CD6: variants seen among roughly 807,000 people sequenced by gnomAD.
The protein encoded by CD6 is T-cell differentiation antigen CD6.
CD6 carries 53 observed loss-of-function variants against 75.3 expected under a neutral mutation model. The observed-to-expected ratio is 0.70, with a 90% CI of 0.56 to 0.88. CD6 has a LOEUF of 0.88. CD6 is among the 40% of genes least tolerant of loss of function. The probability of loss-of-function intolerance (pLI) is 0.00; values close to 1 mark genes in which losing one functional copy is unlikely to be tolerated. For synonymous variants in CD6, 359 were observed against 381.5 expected, an observed-to-expected ratio of 0.94 and a Z score of 0.69; for missense variants, 770 against 897.1, an observed-to-expected ratio of 0.86 and a Z score of 1.81.
At chr11:60,999,975 C>G (rs1438072418) in intron 1 of CD6, among the ~76,000 whole-genome samples, 1 of 152,062 alleles carries the variant, frequency 6.6e-6, no homozygotes, top group East Asian at 1.9e-4. Flanking sequence ...TCGCTTGAAT[C>G]AGGAGGGTGG....
At chr11:60,972,425 C>A (rs987249315) in intron 1 of CD6, among the ~76,000 whole-genome samples, 4 of 152,182 alleles carry the variant, frequency 2.6e-5, no homozygotes, top group Non-Finnish European at 5.9e-5. Flanking sequence ...GGCCTCAGCA[C>A]AACCAGCTGG....
rs893446159 is a variant in CD6, at chr11:61,018,359, C to G, written c.1908C>G (p.Pro636=). ...GGTACCAGAACTTCCAGCCACCACCCCAGCCCCCTTCGGAGGAGCAGTTTG... is the reference window on the plus strand; with the variant it reads ...GGTACCAGAACTTCCAGCCACCACCGCAGCCCCCTTCGGAGGAGCAGTTTG... ...GEWYQNFQPP[P]QPPSEEQFGC... The change falls in exon 12 of 13, where the codon CCC becomes CCG. Residue 636 remains proline, a synonymous_variant. Coordinates refer to ENST00000313421, the MANE Select transcript of CD6 (RefSeq NM_006725.5). The G allele has an allele frequency of 6.2e-7, 1 of 1,605,904 alleles. No individual in the cohort carries two copies. Among genetic ancestry groups the G allele is most frequent in the Non-Finnish European group, 8.5e-7 (1 of 1,176,234 alleles).
At chr11:61,001,595 C>T (rs1460779144) in intron 1 of CD6, among the ~76,000 whole-genome samples, 2 of 145,918 alleles carry the variant, frequency 1.4e-5, no homozygotes, top group African/African-American at 4.9e-5. Flanking sequence ...TATAAATCGT[C>T]CCTTTAGGTT....
intron 1 of CD6, among the ~76,000 whole-genome samples, chr11:60,986,365 C>T (rs1857816389): frequency 6.6e-6 from 1 of 152,168 alleles, no homozygotes; most frequent in African/African-American, 2.4e-5. Flanking sequence ...TTGATCCACA[C>T]TTGTCAGGTG....
chr11:61,013,166 A>AT, intron 6 of CD6, among the ~76,000 whole-genome samples: 1 of 152,376 alleles, frequency 6.6e-6, no homozygotes, highest in Non-Finnish European at 1.5e-5. Flanking sequence ...GCAGACAGAT[A>AT]GATCTCTGCA....
In CD6 at chr11:61,017,812, A is replaced by G; in HGVS notation, c.1636A>G (p.Ile546Val). Residue 546 changes from isoleucine to valine, a missense_variant, in exon 11 of 13, where the codon ATT becomes GTT. Coordinates refer to ENST00000313421, the MANE Select transcript of CD6 (RefSeq NM_006725.5). ...HIPTANPGHC[I>V]TDPPSLGPQY... ...CCCAACTGCCAACCCTGGACACTGC[A>G]TTACAGACCCGCCATCCCTGGGCCC... is the stretch of plus-strand genomic sequence containing the variant. 7.4e-6 allele frequency: 12 copies of G among 1,614,156 alleles called. No homozygotes were observed. Among genetic ancestry groups the G allele is most frequent in the Non-Finnish European group, 1.0e-5 (12 of 1,180,024 alleles).
intron 1 of CD6, among the ~76,000 whole-genome samples, 156 bp from the exon 2 acceptor site, chr11:61,006,418 G>C (rs1481887303): frequency 6.6e-6 from 1 of 152,134 alleles, no homozygotes; most frequent in Non-Finnish European, 1.5e-5. Context: ...TACCTTGAAG[G>C]GAGGCCAATG....
chr11:60,974,603 G>A (rs1017858349), intron 1 of CD6, among the ~76,000 whole-genome samples: 2 of 152,200 alleles, frequency 1.3e-5, no homozygotes, highest in African/African-American at 4.8e-5. Context: ...CTGCCCAGGT[G>A]GCCCGGGTGC....
intron 1 of CD6, among the ~76,000 whole-genome samples, chr11:60,978,548 C>G (rs943364297): frequency 6.6e-6 from 1 of 152,198 alleles, no homozygotes; most frequent in African/African-American, 2.4e-5. Flanking sequence ...CCCTAGTTTC[C>G]TTTCTGGAAA....
In CD6 at chr11:60,989,936, G is replaced by A. The variant is rs1312413596; in HGVS notation, c.50-16638G>A. ...TTACCCAGAGAAGGGCAGAAAAATC[G>A]TTGGCAGGGTGCATTGATATGACTC... On this transcript the variant is annotated intron_variant, in intron 1 of 12. Coordinates refer to ENST00000313421, the MANE Select transcript of CD6 (RefSeq NM_006725.5). Among the ~76,000 whole-genome samples the A allele has an allele frequency of 3.9e-5, 6 of 152,256 alleles. No homozygotes were observed. In the East Asian group the frequency reaches 9.6e-4, roughly 24 times the overall value.
In CD6 at chr11:61,009,723, G is replaced by C. The variant is rs368097295; in HGVS notation, c.933G>C (p.Ala311=). 163 of 1,613,960 alleles carry C rather than the reference G, an allele frequency of 1.0e-4. No homozygotes were observed. The highest frequency in any genetic ancestry group is 1.3e-4 in the Non-Finnish European group (157 of 1,180,026). ...VLCQSLGCGT[A]VERPKGLPHS... is the part of the protein sequence containing the mutation. ...GCCAGTCCTTGGGCTGTGGAACTGC[G>C]GTTGAGAGGCCCAAGGGGCTGCCCC... is the stretch of plus-strand genomic sequence containing the variant. The change falls in exon 5 of 13, where the codon GCG becomes GCC. Residue 311 remains alanine (A), a synonymous_variant. Transcript: ENST00000313421.
intron 1 of CD6, among the ~76,000 whole-genome samples, chr11:60,991,585 C>CATTG (rs1442472565): frequency 6.6e-6 from 1 of 152,040 alleles, no homozygotes; most frequent in Non-Finnish European, 1.5e-5. Context: ...CAGGTATAGT[C>CATTG]ATTGATTCCA....
rs139907587 is a variant in CD6, at chr11:61,018,817, C to T, written c.1942+424C>T. Reference sequence around the variant, plus strand: ...CCCTGCAGGGTCAGAGCAAGACCCTCTTTCTACAAGAAAACAAACACAAGC... The same window carrying T: ...CCCTGCAGGGTCAGAGCAAGACCCTTTTTCTACAAGAAAACAAACACAAGC... On this transcript the variant is annotated intron_variant, in intron 12 of 12. Coordinates refer to ENST00000313421, the MANE Select transcript of CD6 (RefSeq NM_006725.5). 8.6e-3 allele frequency: 2,077 copies of T among 242,220 alleles called. 28 individuals carry two copies. The highest frequency in any genetic ancestry group is 0.027 in the Admixed American group (545 of 19,988). The allele number at this position is 242,220 out of a possible 1,614,324, so 15.0% of individuals were successfully genotyped here.
chr11:60,991,145 C>CTTTTTTTTTTT (rs1319427330), intron 1 of CD6, among the ~76,000 whole-genome samples: 1 of 85,788 alleles, frequency 1.2e-5, no homozygotes, highest in Non-Finnish European at 2.1e-5. Context: ...TTTTCTTTTT[C>CTTTTTTTTTTT]TTTCTTTTTT....
Position 61,006,294 on chromosome 11 carries a change from TG to T in CD6, c.50-278del, listed in dbSNP as rs917092136. On this transcript the variant is annotated intron_variant, in intron 1 of 12. Transcript: ENST00000313421. ...TGGTCACGAAGCCACTTTGTGTGTC[TG>T]GCCCCAGTGCCCACTGCCTTTCCTC... Among the ~76,000 whole-genome samples, 14 of 152,350 alleles carry T rather than the reference TG, an allele frequency of 9.2e-5. No homozygotes were observed. In the East Asian group the frequency reaches 2.3e-3, roughly 25 times the overall value.
chr11:61,014,166 G>A, intron 8 of CD6, 152 bp downstream of exon 8: 4 of 591,462 alleles, frequency 6.8e-6, no homozygotes, highest in Non-Finnish European at 1.2e-5. Flanking sequence ...CCTTGAGCAG[G>A]CTCAAGTCGT....
intron 1 of CD6, among the ~76,000 whole-genome samples, chr11:60,996,648 G>A (rs180978302): frequency 6.6e-6 from 1 of 152,180 alleles, no homozygotes; most frequent in African/African-American, 2.4e-5. Flanking sequence ...TTAGCAGGGA[G>A]CACGCCTCTC....
intron 5 of CD6, among the ~76,000 whole-genome samples, chr11:61,010,625 C>T (rs993070267): frequency 2.6e-5 from 4 of 152,142 alleles, no homozygotes; most frequent in African/African-American, 9.7e-5. Context: ...CTAGGCACTT[C>T]GCAGGATAGC....
At chr11:61,015,127 G>C (rs1859340060) in intron 8 of CD6, among the ~76,000 whole-genome samples, 1 of 151,582 alleles carries the variant, frequency 6.6e-6, no homozygotes, top group Non-Finnish European at 1.5e-5. Flanking sequence ...TTATCATGAG[G>C]GTTAAATGAG....
Sources: allele counts gnomAD v4.1 joint callset (sites outside exome capture counted in the v4.1 genomes callset), GRCh38; gene constraint gnomAD v4.1.1; transcripts MANE v1.5; gene names NCBI Gene and HGNC (gene_info 2026-07-23, HGNC 2026-07-21).